CHRAC1: variants seen among roughly 807,000 people sequenced by gnomAD.
The protein encoded by CHRAC1 is chromatin accessibility complex subunit 1.
A neutral mutation model predicts 9.1 loss-of-function variants in CHRAC1; 6 were observed. That is an observed-to-expected ratio of 0.66 (90% confidence interval 0.36 to 1.29). The LOEUF (loss-of-function observed/expected upper bound fraction) is 1.29. Ranked by LOEUF, CHRAC1 falls within the 50% of genes most tolerant of loss-of-function variation. CHRAC1 has a pLI of 0.03. For synonymous variants in CHRAC1, 73 were observed against 64.5 expected (o/e 1.13, Z -0.63); for missense variants, 168 against 163.5 (o/e 1.03, Z -0.15).
chr8:140,513,977 G>A (rs1207265028), intron 1 of CHRAC1, among the ~76,000 whole-genome samples: 1 of 131,122 alleles, frequency 7.6e-6, no homozygotes, highest in African/African-American at 2.9e-5. Flanking sequence ...CCAGAGTGCT[G>A]CAATCTCCAA....
At chr8:140,514,962 A>T (rs2072318765) in intron 2 of CHRAC1, 164 bp from the exon 3 acceptor site, 1 of 675,362 alleles carries the variant, frequency 1.5e-6, no homozygotes, top group Non-Finnish European at 2.6e-6. Context: ...TTAGGAGACA[A>T]TGCTAGTTTC....
chr8:140,514,131 C>T (rs1255581753), intron 1 of CHRAC1, among the ~76,000 whole-genome samples: 1 of 151,964 alleles, frequency 6.6e-6, no homozygotes, highest in Non-Finnish European at 1.5e-5. Context: ...GTCTCAAACT[C>T]CTGACCTCAA....
At chr8:140,514,582 G>A (rs2132816298) in intron 2 of CHRAC1, 87 bp downstream of exon 2, 1 of 1,189,098 alleles carries the variant, frequency 8.4e-7, no homozygotes, top group Non-Finnish European at 1.1e-6. Flanking sequence ...CTGCTCTCAC[G>A]GAAAATTAGA....
chr8:140,511,829 T>A (rs2072278483), intron 1 of CHRAC1, 183 bp downstream of exon 1: 1 of 779,494 alleles, frequency 1.3e-6, no homozygotes, highest in Non-Finnish European at 2.0e-6. Flanking sequence ...CCCCCACACT[T>A]TCTCGCGCGT....
chr8:140,514,586 A>G, intron 2 of CHRAC1, 91 bp downstream of exon 2: 1 of 1,169,114 alleles, frequency 8.6e-7, no homozygotes, highest in Admixed American at 3.1e-5. Context: ...TCTCACGGAA[A>G]ATTAGACTTT....
Position 140,511,590 on chromosome 8 carries a change from TC to T in CHRAC1, c.96del (p.Glu33ArgfsTer24). 3 of 1,486,076 alleles carry T rather than the reference TC, an allele frequency of 2.0e-6. No homozygotes were observed. The highest frequency in any genetic ancestry group is 1.3e-5 in the South Asian group (1 of 74,584). The allele number at this position is 1,486,076 out of a possible 1,614,324, so 92.1% of individuals were successfully genotyped here. ...LSRIRVIMKS[S>X]PEVSSINQEA... is the part of the protein sequence containing the mutation. The stretch of plus-strand genomic sequence containing the variant: ...CCGCATCCGGGTCATCATGAAGAGC[TC>T]CCCCGAGGTGTCCAGCATCAACCAG... On this transcript the variant is annotated frameshift_variant, in exon 1 of 3. Transcript: ENST00000220913. LOFTEE classifies it high-confidence loss of function.
chr8:140,513,749 T>A (rs2072305727), intron 1 of CHRAC1, among the ~76,000 whole-genome samples: 1 of 150,256 alleles, frequency 6.7e-6, no homozygotes. Flanking sequence ...TCCCGGCCGC[T>A]TCTTTCTTTT....
Position 140,516,399 on chromosome 8 carries a change from C to T in CHRAC1, c.*1152C>T, listed in dbSNP as rs1195320066. ...CTAACCTCAACTGATCCACCTGCCT[C>T]AGCCTCCCAAAGTGCCGCCGGGATT... On this transcript the variant is annotated 3_prime_UTR_variant, in exon 3 of 3. Transcript: ENST00000220913. 3.3e-5 allele frequency: 5 copies of T among 152,220 alleles called. No individual in the cohort carries two copies. The highest frequency in any genetic ancestry group is 3.3e-4 in the Admixed American group (5 of 15,292). 9.4% of individuals were successfully genotyped at this position (152,220 alleles called of 1,614,324 possible).
intron 1 of CHRAC1, among the ~76,000 whole-genome samples, chr8:140,512,927 C>T (rs577588026): frequency 2.6e-5 from 4 of 152,298 alleles, no homozygotes; most frequent in Non-Finnish European, 4.4e-5. Flanking sequence ...GATGATTCTC[C>T]TGCCTCAGCC....
At chr8:140,511,712 G>A in intron 1 of CHRAC1, 66 bp downstream of exon 1, 1 of 1,252,570 alleles carries the variant, frequency 8.0e-7, no homozygotes, top group Non-Finnish European at 1.0e-6. Context: ...CGGGCTCTGG[G>A]CACTGCCCAG....
chr8:140,513,712 GCTGGGATTACAGGC>G (rs1316507651), intron 1 of CHRAC1, among the ~76,000 whole-genome samples: 1 of 152,046 alleles, frequency 6.6e-6, no homozygotes, highest in Non-Finnish European at 1.5e-5. Flanking sequence ...CTCCCAAAGT[GCTGGGATTACAGGC>G]CTGAGCCACA....
intron 1 of CHRAC1, chr8:140,512,070 G>A: frequency 8.0e-7 from 1 of 1,244,736 alleles, no homozygotes; most frequent in Non-Finnish European, 1.0e-6. Context: ...CCTCCCACCT[G>A]TGCGCTCACG....
chr8:140,514,614 C>T (rs1354679870), intron 2 of CHRAC1, 119 bp downstream of exon 2: 5 of 718,318 alleles, frequency 7.0e-6, no homozygotes, highest in African/African-American at 1.8e-5. Context: ...TTTTTCCAAG[C>T]CGCAAAGTAC....
rs1440310581 is a variant in CHRAC1, at chr8:140,513,616, A to T, written c.148-753A>T. On this transcript the variant is annotated intron_variant, in intron 1 of 2. Transcript: ENST00000220913. ...CCGGCTAATTTTGTTTTTTTTTTTTATTTTATTTTTAGTAGAGACGGGGTT... is the reference window on the plus strand; with the variant it reads ...CCGGCTAATTTTGTTTTTTTTTTTTTTTTTATTTTTAGTAGAGACGGGGTT... Among the ~76,000 whole-genome samples, 169 of 138,690 alleles carry T rather than the reference A, an allele frequency of 1.2e-3. 1 individual carries two copies. Among genetic ancestry groups the T allele is most frequent in the African/African-American group, 2.6e-3 (95 of 36,960 alleles). 91.0% of individuals were successfully genotyped at this position (138,690 alleles called of 152,430 possible).
intron 2 of CHRAC1, 43 bp from the exon 3 acceptor site, chr8:140,515,082 AG>A: frequency 6.3e-7 from 1 of 1,590,444 alleles, no homozygotes; most frequent in Non-Finnish European, 8.6e-7. Context: ...CTGTGTTCAT[AG>A]TCTACCATAA....
chr8:140,514,843 G>A, intron 2 of CHRAC1: 1 of 377,386 alleles, frequency 2.6e-6, no homozygotes, highest in Non-Finnish European at 4.8e-6. Context: ...GTCTACCCTG[G>A]GGCTAGCCTA....
At chr8:140,514,561 T>G in intron 2 of CHRAC1, 66 bp downstream of exon 2, 5 of 1,351,344 alleles carry the variant, frequency 3.7e-6, no homozygotes, top group Non-Finnish European at 5.0e-6. Flanking sequence ...TCCCCACCCC[T>G]TGCCTCCCTT....
intron 1 of CHRAC1, among the ~76,000 whole-genome samples, chr8:140,513,788 C>G (rs957898291): frequency 6.6e-6 from 1 of 151,122 alleles, no homozygotes; most frequent in Non-Finnish European, 1.5e-5. Context: ...TAAACAGTTA[C>G]GATTCATCTT....
chr8:140,511,998 TTC>T (rs2072281297), intron 1 of CHRAC1: 2 of 1,290,496 alleles, frequency 1.5e-6, no homozygotes, highest in African/African-American at 1.5e-5. Flanking sequence ...CTCCCGCCGT[TTC>T]TCTCGCGCTT....
Sources: allele counts gnomAD v4.1 joint callset (sites outside exome capture counted in the v4.1 genomes callset), GRCh38; gene constraint gnomAD v4.1.1; transcripts MANE v1.5; gene names NCBI Gene and HGNC (gene_info 2026-07-23, HGNC 2026-07-21).